KIAA1958: variants seen among roughly 807,000 people sequenced by gnomAD.
KIAA1958 encodes KIAA1958.
KIAA1958 carries 14 observed loss-of-function variants against 47.2 expected under a neutral mutation model. That is an observed-to-expected ratio of 0.30 (90% CI 0.20 to 0.46). KIAA1958 has a LOEUF of 0.46. Ranked by LOEUF, KIAA1958 falls within the 20% of genes least tolerant of loss-of-function variation. The probability of loss-of-function intolerance (pLI) is 1.00; values close to 1 mark genes in which losing one functional copy is unlikely to be tolerated. For synonymous variants in KIAA1958, 354 were observed against 353.3 expected, an observed-to-expected ratio of 1.00 and a Z score of -0.02; for missense variants, 803 against 909.2, an observed-to-expected ratio of 0.88 and a Z score of 1.50.
Position 112,660,201 on chromosome 9 carries a change from C to G in KIAA1958, c.*132C>G, listed in dbSNP as rs962985531. The stretch of plus-strand genomic sequence containing the variant: ...TCTGGCGGCTCTCCCCTGGTGTGGC[C>G]TGCCCTCCCTTTGACTTGGGGTTTG... On this transcript the variant is annotated 3_prime_UTR_variant, in exon 4 of 4. Transcript: ENST00000337530. 5.1e-5 allele frequency: 35 copies of G among 689,416 alleles called. No homozygotes were observed. The highest frequency in any genetic ancestry group is 5.5e-5 in the Admixed American group (2 of 36,328). The allele number at this position is 689,416 out of a possible 1,614,324, so 42.7% of individuals were successfully genotyped here.
chr9:112,613,419 C>T (rs1268835437), intron 2 of KIAA1958, among the ~76,000 whole-genome samples: 1 of 151,676 alleles, frequency 6.6e-6, no homozygotes, highest in Non-Finnish European at 1.5e-5. Flanking sequence ...TCTTTCATAA[C>T]CTTGGAATAA....
intron 1 of KIAA1958, among the ~76,000 whole-genome samples, chr9:112,528,586 G>A (rs780757703): frequency 3.3e-5 from 5 of 152,148 alleles, no homozygotes; most frequent in Non-Finnish European, 7.4e-5. Flanking sequence ...GCAGTGGCAT[G>A]ATCTTGGCTC....
intron 2 of KIAA1958, among the ~76,000 whole-genome samples, chr9:112,634,140 T>C (rs1476387774): frequency 1.3e-5 from 2 of 152,204 alleles, no homozygotes; most frequent in Non-Finnish European, 2.9e-5. Context: ...TCACTTGATA[T>C]TTGCAAATTT....
intron 1 of KIAA1958, among the ~76,000 whole-genome samples, chr9:112,487,777 A>C (rs1391216438): frequency 1.3e-5 from 2 of 152,076 alleles, no homozygotes; most frequent in East Asian, 1.9e-4. Flanking sequence ...TATATCGAGA[A>C]ATGTATTCCC....
At chr9:112,644,229 A>G (rs1836940431) in intron 2 of KIAA1958, among the ~76,000 whole-genome samples, 1 of 152,090 alleles carries the variant, frequency 6.6e-6, no homozygotes, top group Non-Finnish European at 1.5e-5. Flanking sequence ...AAGATTGCTC[A>G]GGCAGTGCAT....
intron 3 of KIAA1958, among the ~76,000 whole-genome samples, chr9:112,653,870 AG>A (rs368643060): frequency 3.9e-5 from 6 of 152,308 alleles, no homozygotes; most frequent in Middle Eastern, 3.4e-3. Context: ...ACTGCACTCC[AG>A]CCTGGGCGAC....
rs369993878 is a variant in KIAA1958, at chr9:112,636,318, G to A, written c.1172-9332G>A. Among the ~76,000 whole-genome samples, 57 of 151,972 alleles carry A rather than the reference G, an allele frequency of 3.8e-4. No homozygotes were observed. The South Asian group carries it at 9.6e-3, about 25-fold the overall frequency. Reference sequence around the variant, plus strand: ...TTTATGTCCCAGCATTTCTATGTTGGTAAAAGTGACATACAAACTTGAAGA... The same window carrying A: ...TTTATGTCCCAGCATTTCTATGTTGATAAAAGTGACATACAAACTTGAAGA... On this transcript the variant is annotated intron_variant, in intron 2 of 3. Coordinates refer to ENST00000337530, the MANE Select transcript of KIAA1958 (RefSeq NM_133465.4).
chr9:112,617,929 C>T, intron 2 of KIAA1958: 3 of 1,550,490 alleles, frequency 1.9e-6, no homozygotes, highest in Non-Finnish European at 2.6e-6. Context: ...CCATCCGGAG[C>T]ACGCAGACCG....
intron 1 of KIAA1958, among the ~76,000 whole-genome samples, chr9:112,523,672 G>T (rs1258538541): frequency 6.6e-6 from 1 of 152,084 alleles, no homozygotes; most frequent in Non-Finnish European, 1.5e-5. Flanking sequence ...TTTCGATGGG[G>T]AGTTATGTTC....
At chr9:112,606,815 G>A (rs1654332008) in intron 2 of KIAA1958, among the ~76,000 whole-genome samples, 1 of 152,134 alleles carries the variant, frequency 6.6e-6, no homozygotes, top group Non-Finnish European at 1.5e-5. Flanking sequence ...ACATTTATGG[G>A]ATCCCTGTAA....
chr9:112,507,970 C>T (rs1834258654), intron 1 of KIAA1958, among the ~76,000 whole-genome samples: 1 of 151,698 alleles, frequency 6.6e-6, no homozygotes, highest in Non-Finnish European at 1.5e-5. Flanking sequence ...GGTTTTTGAC[C>T]CCTTTGAGAA....
At chr9:112,613,401 T>C (rs1836359801) in intron 2 of KIAA1958, among the ~76,000 whole-genome samples, 1 of 152,026 alleles carries the variant, frequency 6.6e-6, no homozygotes. Context: ...TTGGAAGAAA[T>C]GGAAAAATCT....
chr9:112,658,771 A>G (rs932430412), intron 3 of KIAA1958, among the ~76,000 whole-genome samples: 3 of 151,940 alleles, frequency 2.0e-5, no homozygotes, highest in East Asian at 1.9e-4. Flanking sequence ...CATCCTGGCT[A>G]ACACTGTGAA....
In KIAA1958 at chr9:112,533,506, G is replaced by A. The variant is rs192801791; in HGVS notation, c.-24-40551G>A. ...GGAGGCAGTAGAATGGCGTGAACCC[G>A]GGAGACGGAGCTTGCAGTGAGCCAA... On this transcript the variant is annotated intron_variant, in intron 1 of 3. Coordinates refer to ENST00000337530, the MANE Select transcript of KIAA1958 (RefSeq NM_133465.4). Among the ~76,000 whole-genome samples the A allele has an allele frequency of 1.0e-3, 153 of 146,174 alleles. 3 individuals carry two copies. In the East Asian group the frequency reaches 0.027, roughly 26 times the overall value.
intron 2 of KIAA1958, among the ~76,000 whole-genome samples, chr9:112,617,053 C>T (rs1836418924): frequency 6.6e-6 from 1 of 152,198 alleles, no homozygotes. Context: ...CATTACTTAA[C>T]CTTGGATGAT....
In KIAA1958 at chr9:112,603,911, G is replaced by T. The variant is rs902628094; in HGVS notation, c.1171+28660G>T. Among the ~76,000 whole-genome samples the T allele has an allele frequency of 1.6e-4, 25 of 152,218 alleles. No homozygotes were observed. The East Asian group carries it at 4.2e-3, about 26-fold the overall frequency. ...TAAGCTCATGGACTTATCAGTCACT[G>T]GTATGTAAAGAGAATTCAGACATCA... is the stretch of plus-strand genomic sequence containing the variant. On this transcript the variant is annotated intron_variant, in intron 2 of 3. Transcript: ENST00000337530.
At chr9:112,562,289 G>A (rs1835346106) in intron 1 of KIAA1958, among the ~76,000 whole-genome samples, 1 of 152,160 alleles carries the variant, frequency 6.6e-6, no homozygotes, top group African/African-American at 2.4e-5. Context: ...TGTGAAGTCA[G>A]TATTCTTATC....
chr9:112,539,860 T>A (rs1450804595), intron 1 of KIAA1958, among the ~76,000 whole-genome samples: 4 of 151,860 alleles, frequency 2.6e-5, no homozygotes, highest in African/African-American at 9.7e-5. Flanking sequence ...CTGGCTAATT[T>A]TTTCTATTTT....
Position 112,660,614 on chromosome 9 carries a change from G to T in KIAA1958, c.*545G>T, listed in dbSNP as rs1479161636. The stretch of plus-strand genomic sequence containing the variant: ...GTGGTTCTGGAGGGCAGGCAGCCTT[G>T]TGTCGGGGAGTATCCTCAAGCGACA... On this transcript the variant is annotated 3_prime_UTR_variant, in exon 4 of 4. Transcript: ENST00000337530. 1.3e-5 allele frequency: 2 copies of T among 156,418 alleles called. No homozygotes were observed. Among genetic ancestry groups the T allele is most frequent in the African/African-American group, 2.4e-5 (1 of 41,452 alleles). The allele number at this position is 156,418 out of a possible 1,614,324, so 9.7% of individuals were successfully genotyped here.
Sources: allele counts gnomAD v4.1 joint callset (sites outside exome capture counted in the v4.1 genomes callset), GRCh38; gene constraint gnomAD v4.1.1; transcripts MANE v1.5; gene names NCBI Gene and HGNC (gene_info 2026-07-23, HGNC 2026-07-21).